ITK: variants seen among roughly 807,000 people sequenced by gnomAD.
ITK encodes the protein IL2 inducible T cell kinase.
In ITK, 45 loss-of-function variants were observed where a neutral mutation model predicts 87.6. The ratio of observed to expected loss-of-function variants is 0.51; its 90% CI spans 0.40 to 0.66. ITK has a LOEUF of 0.66. ITK is among the 30% of genes least tolerant of loss of function. The pLI is 0.00. For synonymous variants in ITK, 303 were observed against 273.6 expected, an observed-to-expected ratio of 1.11 and a Z score of -1.06; for missense variants, 605 against 766.3, an observed-to-expected ratio of 0.79 and a Z score of 2.48.
At chr5:157,241,169 C>G (rs71591335) in intron 10 of ITK, 36,007 of 155,822 alleles carry the variant, frequency 0.23, 4,965 homozygotes, top group East Asian at 0.54. Context: ...AACTCCTGAC[C>G]TCAGGTAATC....
chr5:157,227,233 GAGT>G (rs1198793668), intron 6 of ITK, among the ~76,000 whole-genome samples: 1 of 152,212 alleles, frequency 6.6e-6, no homozygotes, highest in African/African-American at 2.4e-5. Flanking sequence ...GAGGTCCAGA[GAGT>G]AGAAGGGATG....
intron 5 of ITK, among the ~76,000 whole-genome samples, chr5:157,219,761 C>CTTGCAGACGG (rs1181428980): frequency 6.6e-6 from 1 of 152,198 alleles, no homozygotes; most frequent in African/African-American, 2.4e-5. Flanking sequence ...ACTGCCCTCC[C>CTTGCAGACGG]TTGCAGACGG....
chr5:157,249,057 C>T (rs1176356817), intron 16 of ITK, 50 bp downstream of exon 16: 1 of 1,518,754 alleles, frequency 6.6e-7, no homozygotes, highest in East Asian at 2.2e-5. Flanking sequence ...AATTTGAGGA[C>T]CTCCCTCCTT....
At chr5:157,227,848 TGAGACAG>T (rs1754567617) in intron 6 of ITK, among the ~76,000 whole-genome samples, 1 of 123,790 alleles carries the variant, frequency 8.1e-6, no homozygotes, top group Admixed American at 8.4e-5. Flanking sequence ...TTTTTTTTTT[TGAGACAG>T]AGTCTCGCTC....
rs535341768 is a variant in ITK at position 157,207,632 on chromosome 5, G to A, written c.139-1257G>A. The stretch of plus-strand genomic sequence containing the variant: ...TGATCTCAGGTGATCTTCCCGTGTC[G>A]GCCTCCCAAAGGGCTAGGATTACAG... On this transcript the variant is annotated intron_variant, in intron 1 of 16. Coordinates refer to ENST00000422843, the MANE Select transcript of ITK (RefSeq NM_005546.4). Among the ~76,000 whole-genome samples the A allele has an allele frequency of 1.1e-4, 16 of 151,912 alleles. No individual in the cohort carries two copies. The South Asian group carries it at 1.5e-3, about 14-fold the overall frequency.
intron 3 of ITK, among the ~76,000 whole-genome samples, chr5:157,213,931 G>T (rs1194615984): frequency 6.6e-6 from 1 of 152,176 alleles, no homozygotes; most frequent in Non-Finnish European, 1.5e-5. Context: ...ATAAGGGTTT[G>T]CCCAACTTAA....
intron 9 of ITK, 43 bp downstream of exon 9, chr5:157,238,234 C>T (rs917745624): frequency 2.1e-6 from 3 of 1,428,374 alleles, no homozygotes; most frequent in Non-Finnish European, 3.0e-6. Flanking sequence ...AGAAACACTT[C>T]TGAAGTGTGT....
intron 12 of ITK, 53 bp from the exon 13 acceptor site, chr5:157,244,209 C>T: frequency 7.0e-7 from 1 of 1,427,878 alleles, no homozygotes; most frequent in South Asian, 1.1e-5. Flanking sequence ...ATATTTTCGG[C>T]ATTTTTGGGA....
At position 157,211,330 on chromosome 5, in the gene ITK, G is replaced by C. The variant is rs751865122; in HGVS notation, c.287G>C (p.Arg96Pro). The stretch of plus-strand genomic sequence containing the variant: ...CTCCTATATGTGTTTGCTCCAGATC[G>C]TGAGAGCCGGCAGCGCTGGGTGCTG... ...NYLLYVFAPD[R>P]ESRQRWVLAL... The change falls in exon 3 of 17, where the codon CGT becomes CCT. Residue 96 changes from arginine to proline, a missense_variant. Coordinates refer to ENST00000422843, the MANE Select transcript of ITK (RefSeq NM_005546.4). 46 of 1,613,974 alleles carry C rather than the reference G, an allele frequency of 2.9e-5. No homozygotes were observed. The highest frequency in any genetic ancestry group is 3.7e-5 in the Non-Finnish European group (44 of 1,179,968).
At chr5:157,214,860 C>G (rs1035134235) in intron 4 of ITK, among the ~76,000 whole-genome samples, 2 of 152,090 alleles carry the variant, frequency 1.3e-5, no homozygotes, top group Non-Finnish European at 2.9e-5. Context: ...TCTGTGATTT[C>G]TCCTTGCCTC....
chr5:157,227,022 G>T (rs746250650), intron 6 of ITK, among the ~76,000 whole-genome samples: 24 of 152,010 alleles, frequency 1.6e-4, no homozygotes, highest in Non-Finnish European at 2.1e-4. Context: ...GTTTCACCAT[G>T]TTGCCCAGGT....
At chr5:157,219,086 T>C (rs935200036) in intron 5 of ITK, among the ~76,000 whole-genome samples, 2 of 150,382 alleles carry the variant, frequency 1.3e-5, no homozygotes, top group African/African-American at 4.9e-5. Flanking sequence ...CTTATGATAA[T>C]ATTAACACCA....
At chr5:157,241,054 C>T (rs1754885069) in intron 10 of ITK, 1 of 153,216 alleles carries the variant, frequency 6.5e-6, no homozygotes, top group Non-Finnish European at 1.4e-5. Flanking sequence ...TCTCCTGCCT[C>T]AGCCTCCTGA....
chr5:157,225,377 C>T (rs1320123483), intron 6 of ITK, among the ~76,000 whole-genome samples: 1 of 151,918 alleles, frequency 6.6e-6, no homozygotes, highest in African/African-American at 2.4e-5. Flanking sequence ...CCTCACAAAG[C>T]TTGCCAAATT....
intron 1 of ITK, among the ~76,000 whole-genome samples, chr5:157,188,080 C>T (rs956293655): frequency 1.3e-5 from 2 of 152,202 alleles, no homozygotes; most frequent in Non-Finnish European, 2.9e-5. Context: ...GGATTACAGG[C>T]ATGAGCCACC....
chr5:157,195,507 C>G (rs1198177165), intron 1 of ITK: 1 of 152,136 alleles, frequency 6.6e-6, no homozygotes, highest in Non-Finnish European at 1.5e-5. Flanking sequence ...TGGCCTTTCG[C>G]CATGTGGCAC....
rs186014161 is a variant in ITK at position 157,251,433 on chromosome 5, T to C, written c.1792-1174T>C. On this transcript the variant is annotated intron_variant, in intron 16 of 16. Coordinates refer to ENST00000422843, the MANE Select transcript of ITK (RefSeq NM_005546.4). ...CAGATATGTGTTTTGCAAAATTTTC[T>C]CCTAGTCTGTGGCATGTCTTCTCAT... Among the ~76,000 whole-genome samples, 127 of 152,360 alleles carry C rather than the reference T, an allele frequency of 8.3e-4. 1 individual carries two copies. The highest frequency in any genetic ancestry group is 2.9e-3 in the African/African-American group (119 of 41,580).
chr5:157,238,580 C>T (rs1285415155), intron 9 of ITK, among the ~76,000 whole-genome samples: 1 of 152,220 alleles, frequency 6.6e-6, no homozygotes. Context: ...CTACCATTAA[C>T]TGAGTCTTTA....
intron 15 of ITK, among the ~76,000 whole-genome samples, chr5:157,246,840 C>T (rs1755028664): frequency 6.6e-6 from 1 of 152,140 alleles, no homozygotes; most frequent in Admixed American, 6.6e-5. Flanking sequence ...GGGAGAACAA[C>T]AGGCAATGAA....
Sources: gnomAD v4.1 joint callset for allele counts (sites outside exome capture counted in the v4.1 genomes callset) on GRCh38, gnomAD v4.1.1 for gene constraint, MANE v1.5 for transcripts, NCBI Gene and HGNC (gene_info 2026-07-23, HGNC 2026-07-21) for gene names.